Variants in FCRL3 observed in about 807,000 individuals in gnomAD.
FCRL3 encodes Fc receptor like 3.
In FCRL3, 89 loss-of-function variants were observed where a neutral mutation model predicts 75.0. That is an observed-to-expected ratio of 1.19 (90% confidence interval 1.00 to 1.42). The LOEUF (loss-of-function observed/expected upper bound fraction) is 1.42. Among genes scored for constraint, FCRL3 ranks in the 40% most tolerant of loss-of-function variants. FCRL3 has a pLI of 0.00. For synonymous variants in FCRL3, 376 were observed against 348.5 expected (o/e 1.08, Z -0.88); for missense variants, 946 against 880.0 (o/e 1.07, Z -0.95).
chr1:157,697,877 T>C lies in FCRL3; in HGVS notation c.341A>G (p.Asp114Gly), dbSNP rs140651912. ...CCCCTGACATCTCAGAATGACATTG[T>C]CTCCTTCAAAGACAGGATGTAAAGC... ...LQALHPVFEG[D>G]NVILRCQGKD... is the part of the protein sequence containing the mutation. Residue 114 changes from aspartate to glycine, a missense_variant, in exon 5 of 15, where the codon GAC (aspartate) becomes GGC (glycine). By Grantham distance (94) the Asp-to-Gly change is moderately conservative. Coordinates refer to ENST00000368184, the MANE Select transcript of FCRL3 (RefSeq NM_052939.4). 1.5e-4 allele frequency: 236 copies of C among 1,614,136 alleles called. 1 individual carries two copies. The East Asian group carries it at 4.3e-3, about 29-fold the overall frequency.
At position 157,678,490 on chromosome 1, in the gene FCRL3, T is replaced by G. The variant is rs1654603416; in HGVS notation, c.*220A>C. 1 of 1,395,548 alleles carries G rather than the reference T, an allele frequency of 7.2e-7. No individual in the cohort carries two copies. The highest frequency in any genetic ancestry group is 1.4e-5 in the African/African-American group (1 of 69,008). The allele number at this position is 1,395,548 out of a possible 1,614,324, so 86.4% of individuals were successfully genotyped here. On this transcript the variant is annotated 3_prime_UTR_variant, in exon 15 of 15. Transcript: ENST00000368184. ...CCTGCCTTGCCACGTGTCTCCACTG[T>G]GAAAATAACACAGTGCTTGCTCAGA...
At position 157,678,641 on chromosome 1, in the gene FCRL3, T is replaced by C; in HGVS notation, c.*69A>G. 1.3e-6 allele frequency: 2 copies of C among 1,595,374 alleles called. No individual in the cohort carries two copies. The highest frequency in any genetic ancestry group is 1.7e-6 in the Non-Finnish European group (2 of 1,175,030). ...AGGCAGAGTCTGGAGAGATGGATGA[T>C]GTGTGGTTGGAGAGAACAGAAAAAA... On this transcript the variant is annotated 3_prime_UTR_variant, in exon 15 of 15. Coordinates refer to ENST00000368184, the MANE Select transcript of FCRL3 (RefSeq NM_052939.4).
intron 6 of FCRL3, chr1:157,696,608 T>C: frequency 4.6e-6 from 2 of 433,750 alleles, no homozygotes; most frequent in Non-Finnish European, 8.3e-6. Context: ...CTCTAAGGAA[T>C]CTTTGATGCA....
At position 157,696,065 on chromosome 1, in the gene FCRL3, G is replaced by C; in HGVS notation, c.1107C>G (p.Ser369Arg). ...AADNVHSPIL[S>R]TWIRVTVRIP... The stretch of plus-strand genomic sequence containing the variant: ...TTCTCACGGTGACTCGAATCCACGT[G>C]CTGAGGATGGGGCTGTGAACGTTAT... The change falls in exon 7 of 15, where the codon AGC becomes AGG. Residue 369 changes from serine to arginine, a missense_variant. Physicochemically the swap from Ser to Arg is moderately radical, Grantham distance 110. Coordinates refer to ENST00000368184, the MANE Select transcript of FCRL3 (RefSeq NM_052939.4). 1 of 1,611,646 alleles carries C rather than the reference G, an allele frequency of 6.2e-7. No homozygotes were observed. The highest frequency in any genetic ancestry group is 1.1e-5 in the South Asian group (1 of 90,964).
chr1:157,696,000 G>A (rs1655873449), intron 7 of FCRL3, 40 bp downstream of exon 7: 2 of 1,563,038 alleles, frequency 1.3e-6, no homozygotes, highest in Non-Finnish European at 1.7e-6. Flanking sequence ...CTAAACCCTG[G>A]CTTGCAACTC....
chr1:157,698,760 G>A (rs926336043), intron 3 of FCRL3, 131 bp from the exon 4 acceptor site: 2 of 866,638 alleles, frequency 2.3e-6, no homozygotes, highest in African/African-American at 3.4e-5. Context: ...GGAAAATTGA[G>A]CAGAAATAAC....
At position 157,678,619 on chromosome 1, in the gene FCRL3, C is replaced by T; in HGVS notation, c.*91G>A. 4 of 1,568,176 alleles carry T rather than the reference C, an allele frequency of 2.6e-6. No homozygotes were observed. Among genetic ancestry groups the T allele is most frequent in the Non-Finnish European group, 3.4e-6 (4 of 1,164,108 alleles). On this transcript the variant is annotated 3_prime_UTR_variant, in exon 15 of 15. Transcript: ENST00000368184. The stretch of plus-strand genomic sequence containing the variant: ...CCCTGCAGCCCAGCCTCGTAGGAGG[C>T]AGAGTCTGGAGAGATGGATGATGTG...
intron 6 of FCRL3, 128 bp from the exon 7 acceptor site, chr1:157,696,455 TAAG>T: frequency 1.1e-6 from 1 of 889,974 alleles, no homozygotes; most frequent in South Asian, 1.7e-5. Flanking sequence ...AAGTAGGAAA[TAAG>T]AAATTAATTG....
At chr1:157,691,365 C>T (rs1014702610) in intron 8 of FCRL3, among the ~76,000 whole-genome samples, 4 of 152,152 alleles carry the variant, frequency 2.6e-5, no homozygotes, top group Non-Finnish European at 5.9e-5. Context: ...GTGTGTAGTG[C>T]TTTAGATATA....
chr1:157,695,602 C>T lies in FCRL3; in HGVS notation c.1138G>A (p.Val380Ile), dbSNP rs1557831860. 1.2e-6 allele frequency: 2 copies of T among 1,602,298 alleles called. No individual in the cohort carries two copies. Among genetic ancestry groups the T allele is most frequent in the East Asian group, 2.2e-5 (1 of 44,774 alleles). ...CTGAAGGTGAGGACAGGGTGAGATA[C>T]CGGAACTGAAGGAGACAAAAGGGCT... ...TWIRVTVRIPVSHPVLTFRAP... is the reference protein window; with the variant it reads ...TWIRVTVRIPISHPVLTFRAP... Residue 380 changes from valine (V) to isoleucine (I), a missense_variant, in exon 8 of 15, where the codon GTA (valine) becomes ATA (isoleucine). Physicochemically the swap from Val to Ile is conservative, Grantham distance 29. Coordinates refer to ENST00000368184, the MANE Select transcript of FCRL3 (RefSeq NM_052939.4).
intron 5 of FCRL3, 25 bp downstream of exon 5, chr1:157,697,634 T>G (rs1275348337): frequency 4.4e-6 from 7 of 1,600,096 alleles, no homozygotes; most frequent in Non-Finnish European, 6.0e-6. Context: ...ACAAACCCAG[T>G]AATCCACAGG....
chr1:157,682,776 T>C (rs1006261704), intron 11 of FCRL3, among the ~76,000 whole-genome samples: 1 of 152,248 alleles, frequency 6.6e-6, no homozygotes, highest in African/African-American at 2.4e-5. Context: ...CAAGATGCCA[T>C]GCGAGCTCTT....
In FCRL3 at chr1:157,676,973, T is replaced by C. The variant is rs1654499774; in HGVS notation, c.*1737A>G. ...GAAAAAAACAGCAGAATGTATCACA[T>C]AGAAGACAGAGACATTTGCCTCCTC... On this transcript the variant is annotated 3_prime_UTR_variant, in exon 15 of 15. Coordinates refer to ENST00000368184, the MANE Select transcript of FCRL3 (RefSeq NM_052939.4). 16 of 1,370,796 alleles carry C rather than the reference T, an allele frequency of 1.2e-5. No individual in the cohort carries two copies. The highest frequency in any genetic ancestry group is 1.6e-5 in the South Asian group (1 of 63,072). The allele number at this position is 1,370,796 out of a possible 1,614,324, so 84.9% of individuals were successfully genotyped here. A position where few individuals can be genotyped will look rare whatever the true frequency, so the allele number is the denominator to read the frequency against.
At chr1:157,692,327 C>T (rs548013207) in intron 8 of FCRL3, among the ~76,000 whole-genome samples, 11 of 152,236 alleles carry the variant, frequency 7.2e-5, no homozygotes, top group African/African-American at 2.6e-4. Flanking sequence ...AAGCCTTGAC[C>T]TCCTGGGCTC....
intron 7 of FCRL3, 23 bp downstream of exon 7, chr1:157,696,017 G>A (rs111735268): frequency 9.4e-5 from 150 of 1,594,804 alleles, no homozygotes; most frequent in Non-Finnish European, 1.2e-4. Flanking sequence ...ACTCGAGGCT[G>A]TGTGAAAGGA....
intron 8 of FCRL3, among the ~76,000 whole-genome samples, chr1:157,692,491 C>T (rs534058162): frequency 6.6e-6 from 1 of 152,296 alleles, no homozygotes; most frequent in South Asian, 2.1e-4. Context: ...CTTCCTTGGC[C>T]TCCCAAAGTG....
Position 157,690,295 on chromosome 1 carries a change from C to T in FCRL3, c.1650G>A (p.Leu550=). ...GNYSCEADNG[L]GAQHSKVVTL... is the part of the protein sequence containing the mutation. ...TCACCACTTTACTGTGCTGGGCCCC[C>T]AGGCCATTGTCAGCCTCACATGAGT... Residue 550 remains leucine, a synonymous_variant, in exon 9 of 15, where the codon CTG becomes CTA. Transcript: ENST00000368184. 6.2e-7 allele frequency: 1 copy of T among 1,614,246 alleles called. No individual in the cohort carries two copies. The highest frequency in any genetic ancestry group is 1.3e-5 in the African/African-American group (1 of 75,060).
In FCRL3 at chr1:157,679,830, C is replaced by CAAAAAAAAAAAA. The variant is rs1166825112; in HGVS notation, c.2026+860_2027-858dup. Among the ~76,000 whole-genome samples the CAAAAAAAAAAAA allele has an allele frequency of 4.6e-4, 23 of 49,914 alleles. 2 individuals carry two copies. The highest frequency in any genetic ancestry group is 9.1e-4 in the African/African-American group (10 of 10,948). 32.7% of individuals were successfully genotyped at this position (49,914 alleles called of 152,430 possible). A position where few individuals can be genotyped will look rare whatever the true frequency, so the allele number is the denominator to read the frequency against. ...GGCGACAGAACGAGACCCCATCTCA[C>CAAAAAAAAAAAA]AAAAAAAAAAAAAAAAAAAAAAAAA... On this transcript the variant is annotated intron_variant, in intron 13 of 14. Coordinates refer to ENST00000368184, the MANE Select transcript of FCRL3 (RefSeq NM_052939.4).
rs779303583 is a variant in FCRL3 at position 157,683,187 on chromosome 1, T to C, written c.1838+30A>G. ...CGTGCATATAAATAAATCATGAAAA[T>C]GTTGGCAGCACAAGAAGCAGAGACC... On this transcript the variant is annotated intron_variant, in intron 11 of 14. Coordinates refer to ENST00000368184, the MANE Select transcript of FCRL3 (RefSeq NM_052939.4). The C allele has an allele frequency of 2.5e-6, 4 of 1,602,264 alleles. No homozygotes were observed. In the South Asian group the frequency reaches 3.4e-5, roughly 14 times the overall value.
Sources: allele counts gnomAD v4.1 joint callset (sites outside exome capture counted in the v4.1 genomes callset), GRCh38; gene constraint gnomAD v4.1.1; transcripts MANE v1.5; gene names NCBI Gene and HGNC (gene_info 2026-07-23, HGNC 2026-07-21).